AP3S1: variants seen among roughly 807,000 people sequenced by gnomAD.
AP3S1 encodes the protein adaptor related protein complex 3 subunit sigma 1.
In AP3S1, 12 loss-of-function variants were observed where a neutral mutation model predicts 21.3. The ratio of observed to expected loss-of-function variants is 0.56; its 90% CI spans 0.36 to 0.91. The LOEUF is 0.91. Among genes scored for constraint, AP3S1 ranks in the 40% least tolerant of loss-of-function variants. AP3S1 has a pLI of 0.01. For synonymous variants in AP3S1, 48 were observed against 78.4 expected (o/e 0.61, Z 2.05); for missense variants, 116 against 225.0 (o/e 0.52, Z 3.10).
At chr5:115,842,154 A>T (rs1200928795) in intron 1 of AP3S1, 48 bp downstream of exon 1, 1 of 1,522,840 alleles carries the variant, frequency 6.6e-7, no homozygotes, top group Non-Finnish European at 8.8e-7. Flanking sequence ...GTCGTTGGCG[A>T]CGGGCAGCGC....
intron 4 of AP3S1, among the ~76,000 whole-genome samples, chr5:115,901,385 C>G (rs1409038536): frequency 2.1e-5 from 3 of 142,838 alleles, no homozygotes; most frequent in Non-Finnish European, 4.5e-5. Flanking sequence ...AGTCATTTGC[C>G]TATATTCTTT....
At chr5:115,902,510 TA>T (rs1751300050) in intron 4 of AP3S1, among the ~76,000 whole-genome samples, 1 of 152,184 alleles carries the variant, frequency 6.6e-6, no homozygotes, top group South Asian at 2.1e-4. Context: ...GAATCTGGCA[TA>T]AAAGGCTCTT....
At chr5:115,885,325 C>T (rs796919890) in intron 3 of AP3S1, among the ~76,000 whole-genome samples, 6 of 152,202 alleles carry the variant, frequency 3.9e-5, no homozygotes, top group African/African-American at 1.4e-4. Context: ...TGGCTCAGTC[C>T]GAGTCCAAAA....
At chr5:115,859,839 G>C (rs756362196) in intron 1 of AP3S1, among the ~76,000 whole-genome samples, 1 of 152,196 alleles carries the variant, frequency 6.6e-6, no homozygotes, top group African/African-American at 2.4e-5. Flanking sequence ...TAGGTATTCT[G>C]AGAACTGATT....
At chr5:115,867,361 C>G (rs993593488) in intron 2 of AP3S1, among the ~76,000 whole-genome samples, 1 of 151,998 alleles carries the variant, frequency 6.6e-6, no homozygotes, top group Non-Finnish European at 1.5e-5. Context: ...TCAAATATAC[C>G]TAATTCAGCT....
intron 5 of AP3S1, among the ~76,000 whole-genome samples, chr5:115,911,311 G>A (rs928297346): frequency 6.6e-6 from 1 of 151,748 alleles, no homozygotes; most frequent in African/African-American, 2.4e-5. Context: ...GTAAACCATA[G>A]TGTCCAATAA....
intron 3 of AP3S1, among the ~76,000 whole-genome samples, chr5:115,887,101 A>G (rs185864229): frequency 2.0e-5 from 3 of 152,264 alleles, no homozygotes; most frequent in African/African-American, 7.2e-5. Context: ...GAGTGTACCT[A>G]GGCTACATTC....
intron 3 of AP3S1, among the ~76,000 whole-genome samples, chr5:115,892,484 A>T (rs1256082629): frequency 6.6e-6 from 1 of 152,228 alleles, no homozygotes; most frequent in Non-Finnish European, 1.5e-5. Flanking sequence ...AAAAAGAATG[A>T]TATTGTCATT....
At chr5:115,888,894 C>T (rs539204256) in intron 3 of AP3S1, among the ~76,000 whole-genome samples, 2 of 152,150 alleles carry the variant, frequency 1.3e-5, no homozygotes, top group South Asian at 4.1e-4. Flanking sequence ...TTGTTTAACT[C>T]AATTTTTATG....
At chr5:115,880,411 A>T (rs1004851082) in intron 3 of AP3S1, among the ~76,000 whole-genome samples, 4 of 152,068 alleles carry the variant, frequency 2.6e-5, no homozygotes, top group African/African-American at 7.2e-5. Flanking sequence ...CTTTGTTCTC[A>T]TTGGTTTCAA....
At chr5:115,903,201 G>T in intron 5 of AP3S1, 1 of 388,324 alleles carries the variant, frequency 2.6e-6, no homozygotes, top group Non-Finnish European at 4.6e-6. Context: ...TCTTCTTTTA[G>T]CCACAGTCAT....
rs533428210 is a variant in AP3S1, at chr5:115,876,901, C to T, written c.273+6773C>T. ...TATATGATGTCCATTTGTTCCACTACTTGTGATATTTGTGATGATCACTTG... is the reference window on the plus strand; with the variant it reads ...TATATGATGTCCATTTGTTCCACTATTTGTGATATTTGTGATGATCACTTG... On this transcript the variant is annotated intron_variant, in intron 3 of 5. Transcript: ENST00000316788. 2.4e-4 allele frequency among the ~76,000 whole-genome samples: 36 copies of T among 152,296 alleles called. 1 individual carries two copies. The South Asian group carries it at 7.5e-3, about 32-fold the overall frequency.
At chr5:115,844,455 G>T (rs1761910330) in intron 1 of AP3S1, among the ~76,000 whole-genome samples, 1 of 152,218 alleles carries the variant, frequency 6.6e-6, no homozygotes, top group Admixed American at 6.5e-5. Context: ...GGTGGCATTT[G>T]AGCAAAGACT....
intron 5 of AP3S1, chr5:115,906,791 T>G (rs1407398868): frequency 2.7e-6 from 4 of 1,476,798 alleles, no homozygotes; most frequent in Non-Finnish European, 3.6e-6. Context: ...TCCTGATCTT[T>G]CTAGCTCTTT....
chr5:115,901,578 A>G (rs1751217736), intron 4 of AP3S1, among the ~76,000 whole-genome samples: 1 of 150,234 alleles, frequency 6.7e-6, no homozygotes, highest in African/African-American at 2.5e-5. Context: ...TAATTGAGGC[A>G]GGGTCTCACT....
intron 5 of AP3S1, chr5:115,909,070 T>C (rs1165879580): frequency 2.6e-5 from 18 of 699,874 alleles, no homozygotes; most frequent in Non-Finnish European, 3.1e-5. Flanking sequence ...TACCATCTTA[T>C]TATGCTGTAT....
intron 1 of AP3S1, among the ~76,000 whole-genome samples, chr5:115,856,351 A>G (rs1172520747): frequency 6.6e-6 from 1 of 150,898 alleles, no homozygotes; most frequent in African/African-American, 2.4e-5. Context: ...AACTGTGCAT[A>G]TTTATGGGGT....
chr5:115,860,197 A>G (rs1354926226), intron 1 of AP3S1, among the ~76,000 whole-genome samples: 3 of 152,170 alleles, frequency 2.0e-5, no homozygotes, highest in African/African-American at 4.8e-5. Flanking sequence ...TTCTCTAGTC[A>G]CATCTCCCTC....
intron 3 of AP3S1, among the ~76,000 whole-genome samples, chr5:115,890,272 G>A (rs767151531): frequency 1.3e-5 from 2 of 152,136 alleles, no homozygotes; most frequent in Non-Finnish European, 2.9e-5. Flanking sequence ...GTCACCAGTA[G>A]AATGGACACA....
Sources: gnomAD v4.1 joint callset for allele counts (sites outside exome capture counted in the v4.1 genomes callset) on GRCh38, gnomAD v4.1.1 for gene constraint, MANE v1.5 for transcripts, NCBI Gene and HGNC (gene_info 2026-07-23, HGNC 2026-07-21) for gene names.